NID1: variants seen among roughly 807,000 people sequenced by gnomAD.
NID1 encodes the protein nidogen 1, also known as nidogen-1.
A neutral mutation model predicts 130.6 loss-of-function variants in NID1; 76 were observed. The observed-to-expected ratio is 0.58, with a 90% CI of 0.48 to 0.70. The LOEUF is 0.70. NID1 is among the 30% of genes least tolerant of loss of function. The pLI is 0.00. For synonymous variants in NID1, 665 were observed against 675.1 expected, an observed-to-expected ratio of 0.98 and a Z score of 0.23; for missense variants, 1,517 against 1,664.8, an observed-to-expected ratio of 0.91 and a Z score of 1.54.
intron 4 of NID1, among the ~76,000 whole-genome samples, chr1:236,038,766 ATAAT>A (rs1298262174): frequency 2.5e-5 from 3 of 120,494 alleles, no homozygotes; most frequent in Admixed American, 8.8e-5. Flanking sequence ...TAGGTCATAT[ATAAT>A]ATATATTACC....
chr1:236,020,051 A>C (rs570564670), intron 9 of NID1, among the ~76,000 whole-genome samples: 37 of 137,304 alleles, frequency 2.7e-4, no homozygotes, highest in East Asian at 9.8e-4. Flanking sequence ...AAAAAAAAAA[A>C]AAAAAAACAA....
chr1:236,058,974 T>C (rs1283938431), intron 1 of NID1, among the ~76,000 whole-genome samples: 4 of 152,222 alleles, frequency 2.6e-5, no homozygotes, highest in Admixed American at 2.6e-4. Context: ...TGTCACCTAA[T>C]GTTGAGGTCC....
chr1:235,977,734 G>C lies in NID1; in HGVS notation c.*133C>G. 2.0e-6 allele frequency: 2 copies of C among 1,002,708 alleles called. No individual in the cohort carries two copies. The highest frequency in any genetic ancestry group is 2.4e-5 in the East Asian group (1 of 41,098). 62.1% of individuals were successfully genotyped at this position (1,002,708 alleles called of 1,614,324 possible). ...TTTGGGGAACAGTGAGGGAAAAGTT[G>C]TTGGGGCTCAGGCTGGGCTGGGTCT... On this transcript the variant is annotated 3_prime_UTR_variant, in exon 20 of 20. Transcript: ENST00000264187.
At position 236,048,974 on chromosome 1, in the gene NID1, T is replaced by C. The variant is rs1659691422; in HGVS notation, c.241A>G (p.Ile81Val). 1 of 1,613,912 alleles carries C rather than the reference T, an allele frequency of 6.2e-7. No homozygotes were observed. The highest frequency in any genetic ancestry group is 1.7e-5 in the Admixed American group (1 of 59,910). Residue 81 changes from isoleucine (I) to valine (V), a missense_variant, in exon 2 of 20, where the codon ATC becomes GTC. Transcript: ENST00000264187. The stretch of plus-strand genomic sequence containing the variant: ...GCCGGGGGTTCACTCGTAGCAATGA[T>C]GCCATTTGTGGTGACCTGTACAAAA... ...IDAVYVTTNG[I>V]IATSEPPAKE...
intron 12 of NID1, among the ~76,000 whole-genome samples, chr1:236,008,230 A>T (rs900623143): frequency 6.6e-6 from 1 of 152,218 alleles, no homozygotes; most frequent in African/African-American, 2.4e-5. Context: ...CAATCCATAC[A>T]CAGGGTGTGG....
intron 7 of NID1, 115 bp downstream of exon 7, chr1:236,029,435 G>T: frequency 1.0e-6 from 1 of 972,272 alleles, no homozygotes; most frequent in Non-Finnish European, 1.5e-6. Context: ...AAGGCCCGGT[G>T]TATTTCCCTC....
intron 7 of NID1, 142 bp downstream of exon 7, chr1:236,029,408 G>A: frequency 1.3e-6 from 1 of 742,284 alleles, no homozygotes; most frequent in Non-Finnish European, 2.2e-6. Context: ...GTCTATAATT[G>A]AGGGGAAGGT....
chr1:236,063,478 AAAAATAAAT>A (rs1660100442), intron 1 of NID1, among the ~76,000 whole-genome samples: 1 of 145,418 alleles, frequency 6.9e-6, no homozygotes, highest in Non-Finnish European at 1.5e-5. Context: ...TCTCAAAAAA[AAAAATAAAT>A]AAATAAATAA....
intron 15 of NID1, among the ~76,000 whole-genome samples, chr1:235,983,727 A>T (rs555999965): frequency 7.3e-4 from 111 of 152,274 alleles, no homozygotes; most frequent in African/African-American, 2.6e-3. Context: ...TACTCTTCCA[A>T]GGGAAAGGTC....
chr1:236,007,720 A>T (rs558689529), intron 12 of NID1, among the ~76,000 whole-genome samples: 17 of 152,024 alleles, frequency 1.1e-4, no homozygotes, highest in Admixed American at 6.6e-5. Context: ...TTCAGCAGGG[A>T]TCCTTCTTTG....
Position 236,029,694 on chromosome 1 carries a change from C to A in NID1, c.1594G>T (p.Val532Phe), listed in dbSNP as rs765816206. 1.2e-6 allele frequency: 2 copies of A among 1,614,144 alleles called. No individual in the cohort carries two copies. Among genetic ancestry groups the A allele is most frequent in the South Asian group, 2.2e-5 (2 of 91,072 alleles). ...VTFVGHPGNLVIKQRFSGIDE... is the reference protein window; with the variant it reads ...VTFVGHPGNLFIKQRFSGIDE... The stretch of plus-strand genomic sequence containing the variant: ...ATGCCGCTGAACCGCTGCTTAATGA[C>A]CAGATTGCCCGGGTGCCCCACGAAG... The change falls in exon 7 of 20, where the codon GTC becomes TTC. Residue 532 changes from valine (V) to phenylalanine (F), a missense_variant. Physicochemically the swap from Val to Phe is conservative, Grantham distance 50. Coordinates refer to ENST00000264187, the MANE Select transcript of NID1 (RefSeq NM_002508.3).
intron 12 of NID1, among the ~76,000 whole-genome samples, chr1:236,008,535 C>T (rs1449215335): frequency 6.6e-6 from 1 of 152,118 alleles, no homozygotes; most frequent in African/African-American, 2.4e-5. Context: ...GAGTCTTTCT[C>T]TGTCACCCAG....
chr1:236,030,572 C>T (rs1230035067), intron 6 of NID1, among the ~76,000 whole-genome samples: 1 of 152,210 alleles, frequency 6.6e-6, no homozygotes, highest in South Asian at 2.1e-4. Flanking sequence ...CATGCTCATT[C>T]ATTTATATAT....
chr1:235,990,155 A>G (rs1343868477), intron 14 of NID1, among the ~76,000 whole-genome samples: 1 of 152,214 alleles, frequency 6.6e-6, no homozygotes, highest in Non-Finnish European at 1.5e-5. Context: ...TGTGTGTGGC[A>G]TCTATGAAGT....
chr1:235,990,688 T>A (rs1657706553), intron 14 of NID1, among the ~76,000 whole-genome samples, 198 bp downstream of exon 14: 1 of 152,090 alleles, frequency 6.6e-6, no homozygotes, highest in African/African-American at 2.4e-5. Flanking sequence ...TCACTATGAA[T>A]TTGGCAGGGG....
At chr1:236,028,723 CAG>C (rs1191617988) in intron 7 of NID1, among the ~76,000 whole-genome samples, 1 of 150,914 alleles carries the variant, frequency 6.6e-6, no homozygotes, top group Non-Finnish European at 1.5e-5. Flanking sequence ...GACAGAGAGA[CAG>C]AGAGAGAATG....
At position 236,017,196 on chromosome 1, in the gene NID1, AGCG is replaced by A. The variant is rs1023405571; in HGVS notation, c.2203_2205del (p.Arg735del). On this transcript the variant is annotated inframe_deletion, in exon 10 of 20. Coordinates refer to ENST00000264187, the MANE Select transcript of NID1 (RefSeq NM_002508.3). ...AACTGGTAGCCCTCCACACACTCGC[AGCG>A]GAAGGTTCCTGGGTGATTATTGCAG... 4 of 1,614,150 alleles carry A rather than the reference AGCG, an allele frequency of 2.5e-6. No homozygotes were observed. Among genetic ancestry groups the A allele is most frequent in the Non-Finnish European group, 3.4e-6 (4 of 1,180,014 alleles).
intron 1 of NID1, among the ~76,000 whole-genome samples, chr1:236,051,930 G>A (rs1467017210): frequency 1.3e-5 from 2 of 152,226 alleles, no homozygotes; most frequent in African/African-American, 4.8e-5. Context: ...TAAGAGTCAG[G>A]TTTTAGGACA....
chr1:236,002,880 C>A (rs995415979), intron 12 of NID1, among the ~76,000 whole-genome samples: 5 of 152,080 alleles, frequency 3.3e-5, no homozygotes, highest in African/African-American at 7.2e-5. Flanking sequence ...CTGGTTTGGA[C>A]CCTCCTCAAC....
Sources: gnomAD v4.1 joint callset for allele counts (sites outside exome capture counted in the v4.1 genomes callset) on GRCh38, gnomAD v4.1.1 for gene constraint, MANE v1.5 for transcripts, NCBI Gene and HGNC (gene_info 2026-07-23, HGNC 2026-07-21) for gene names.